Variants in FAM171A1 observed in about 807,000 individuals in gnomAD.
The protein encoded by FAM171A1 is family with sequence similarity 171 member A1.
A neutral mutation model predicts 74.9 loss-of-function variants in FAM171A1; 23 were observed. That is an observed-to-expected ratio of 0.31 (90% CI 0.22 to 0.44). The LOEUF (loss-of-function observed/expected upper bound fraction) is 0.44, where lower values mean the gene tolerates loss of function less well. Ranked by LOEUF, FAM171A1 falls within the 20% of genes least tolerant of loss-of-function variation. FAM171A1 has a pLI of 1.00. For missense variants in FAM171A1, 1,162 were observed against 1,159.2 expected (o/e 1.00, Z -0.03); for synonymous variants, 527 against 505.7 (o/e 1.04, Z -0.57).
chr10:15,305,816 G>A (rs1835287812), intron 1 of FAM171A1, among the ~76,000 whole-genome samples: 1 of 152,186 alleles, frequency 6.6e-6, no homozygotes, highest in Admixed American at 6.5e-5. Flanking sequence ...ACACTGTGGG[G>A]TGAACCCATG....
At chr10:15,312,579 A>G (rs927476783) in intron 1 of FAM171A1, among the ~76,000 whole-genome samples, 18 of 146,056 alleles carry the variant, frequency 1.2e-4, no homozygotes, top group African/African-American at 4.3e-4. Context: ...TGGCTCACAG[A>G]GGTGCCCGGC....
intron 1 of FAM171A1, among the ~76,000 whole-genome samples, chr10:15,354,658 G>T (rs1588568859): frequency 6.6e-6 from 1 of 152,212 alleles, no homozygotes; most frequent in East Asian, 1.9e-4. Flanking sequence ...GAAACAGGCT[G>T]GGCTGCAGCT....
chr10:15,291,781 G>C (rs1300064519), intron 1 of FAM171A1, among the ~76,000 whole-genome samples: 1 of 152,106 alleles, frequency 6.6e-6, no homozygotes, highest in Non-Finnish European at 1.5e-5. Context: ...GCCAGGTACG[G>C]TGAACGTGCT....
At chr10:15,278,501 G>T (rs879828049) in intron 2 of FAM171A1, among the ~76,000 whole-genome samples, 2 of 152,160 alleles carry the variant, frequency 1.3e-5, no homozygotes, top group Non-Finnish European at 2.9e-5. Flanking sequence ...GACAACACAC[G>T]TAAATGTCTA....
chr10:15,369,987 C>T (rs921693200), intron 1 of FAM171A1, among the ~76,000 whole-genome samples: 4 of 152,220 alleles, frequency 2.6e-5, no homozygotes, highest in African/African-American at 9.6e-5. Flanking sequence ...ATCTGCGGGC[C>T]TCAGTGGCCC....
At chr10:15,292,951 A>C (rs1234634587) in intron 1 of FAM171A1, among the ~76,000 whole-genome samples, 4 of 152,138 alleles carry the variant, frequency 2.6e-5, no homozygotes, top group Non-Finnish European at 5.9e-5. Context: ...AATTCTTACT[A>C]TTCTGTCTAA....
chr10:15,243,215 C>T lies in FAM171A1; in HGVS notation c.754+5424G>A, dbSNP rs117715188. ...TTCCAAAGTGCATGGCTCCGGCCTG[C>T]GCTCCCATCCTCACACTGCCGTCTC... On this transcript the variant is annotated intron_variant, in intron 5 of 7. Coordinates refer to ENST00000378116, the MANE Select transcript of FAM171A1 (RefSeq NM_001010924.2). Among the ~76,000 whole-genome samples, 304 of 152,168 alleles carry T rather than the reference C, an allele frequency of 2.0e-3. 1 individual carries two copies. Among genetic ancestry groups the T allele is most frequent in the Non-Finnish European group, 3.6e-3 (245 of 68,016 alleles).
chr10:15,286,250 G>A (rs1433410886), intron 1 of FAM171A1, among the ~76,000 whole-genome samples: 1 of 152,150 alleles, frequency 6.6e-6, no homozygotes, highest in African/African-American at 2.4e-5. Flanking sequence ...AGGGACAGGT[G>A]AGACAACCCT....
chr10:15,342,886 C>G (rs980849773), intron 1 of FAM171A1, among the ~76,000 whole-genome samples: 13 of 152,248 alleles, frequency 8.5e-5, no homozygotes, highest in Admixed American at 5.9e-4. Context: ...CTGAAAGTAT[C>G]TGGAAGACCG....
upstream of FAM171A1, among the ~76,000 whole-genome samples, chr10:15,371,444 G>A (rs1215020862): frequency 1.3e-5 from 2 of 149,272 alleles, no homozygotes; most frequent in African/African-American, 2.4e-5. Context: ...GCCCCGGCGC[G>A]CCCCATCCCC....
intron 1 of FAM171A1, among the ~76,000 whole-genome samples, chr10:15,333,684 T>C (rs1205550881): frequency 6.6e-6 from 1 of 151,832 alleles, no homozygotes; most frequent in Non-Finnish European, 1.5e-5. Context: ...CTAAAAAATA[T>C]AGCTGGGTGT....
At chr10:15,319,959 T>C (rs1835467447) in intron 1 of FAM171A1, among the ~76,000 whole-genome samples, 1 of 152,172 alleles carries the variant, frequency 6.6e-6, no homozygotes, top group Non-Finnish European at 1.5e-5. Flanking sequence ...TTTTAAACTT[T>C]TATTTCTTTC....
intron 1 of FAM171A1, among the ~76,000 whole-genome samples, chr10:15,308,981 A>G (rs1316186802): frequency 6.6e-6 from 1 of 152,086 alleles, no homozygotes; most frequent in Non-Finnish European, 1.5e-5. Flanking sequence ...AGCCTATTTT[A>G]ATCAGTATTT....
intron 3 of FAM171A1, among the ~76,000 whole-genome samples, chr10:15,255,281 T>G (rs1198123131): frequency 6.6e-6 from 1 of 152,196 alleles, no homozygotes; most frequent in Non-Finnish European, 1.5e-5. Context: ...TTGATACCGC[T>G]GCAAACCCGT....
intron 1 of FAM171A1, among the ~76,000 whole-genome samples, chr10:15,323,844 A>G (rs1835517337): frequency 6.6e-6 from 1 of 152,098 alleles, no homozygotes; most frequent in African/African-American, 2.4e-5. Flanking sequence ...ACTTTCAACA[A>G]TTAAAAAAAA....
At chr10:15,353,226 A>G (rs1391532823) in intron 1 of FAM171A1, among the ~76,000 whole-genome samples, 3 of 152,322 alleles carry the variant, frequency 2.0e-5, no homozygotes, top group Admixed American at 1.3e-4. Context: ...CTAAAAACCA[A>G]TCACCTCCAA....
intron 1 of FAM171A1, among the ~76,000 whole-genome samples, chr10:15,289,331 G>C (rs1012671121): frequency 6.6e-6 from 1 of 152,064 alleles, no homozygotes; most frequent in Admixed American, 6.6e-5. Context: ...ATGCCCTAGG[G>C]TGCACTCTTT....
chr10:15,231,595 C>T (rs963699545), intron 5 of FAM171A1, among the ~76,000 whole-genome samples: 3 of 151,964 alleles, frequency 2.0e-5, no homozygotes, highest in East Asian at 1.9e-4. Flanking sequence ...AAATTATTTG[C>T]CCTTTTGTGG....
intron 1 of FAM171A1, among the ~76,000 whole-genome samples, chr10:15,348,209 C>T (rs932867771): frequency 6.6e-6 from 1 of 152,146 alleles, no homozygotes; most frequent in African/African-American, 2.4e-5. Context: ...AAACTCCTGA[C>T]CTGAGGTGTT....
Sources: allele counts gnomAD v4.1 joint callset (sites outside exome capture counted in the v4.1 genomes callset), GRCh38; gene constraint gnomAD v4.1.1; transcripts MANE v1.5; gene names NCBI Gene and HGNC (gene_info 2026-07-23, HGNC 2026-07-21).